Variants in BRINP2 observed in about 807,000 individuals in gnomAD.
The protein encoded by BRINP2 is BMP/retinoic acid inducible neural specific 2, also known as BMP/retinoic acid-inducible neural-specific protein 2.
In BRINP2, 21 loss-of-function variants were observed where a neutral mutation model predicts 69.2. The ratio of observed to expected loss-of-function variants is 0.30; its 90% confidence interval spans 0.22 to 0.44. BRINP2 has a LOEUF of 0.44. Ranked by LOEUF, BRINP2 falls within the 20% of genes least tolerant of loss-of-function variation. The pLI is 1.00. For missense variants in BRINP2, 877 were observed against 986.0 expected, an observed-to-expected ratio of 0.89 and a Z score of 1.48; for synonymous variants, 380 against 394.1, an observed-to-expected ratio of 0.96 and a Z score of 0.42.
rs187458635 is a variant in BRINP2 at position 177,206,519 on chromosome 1, G to A, written c.-76-23282G>A. ...CAGATGTAGACTTGCTAGGTGAAAG[G>A]AGATGCAGAACTCTGATGTTTTATA... On this transcript the variant is annotated intron_variant, in intron 1 of 7. Coordinates refer to ENST00000361539, the MANE Select transcript of BRINP2 (RefSeq NM_021165.4). Among the ~76,000 whole-genome samples the A allele has an allele frequency of 2.7e-3, 416 of 152,286 alleles. 1 individual carries two copies. The highest frequency in any genetic ancestry group is 9.6e-3 in the African/African-American group (397 of 41,554).
chr1:177,221,502 T>G (rs898999028), intron 1 of BRINP2, among the ~76,000 whole-genome samples: 2 of 152,368 alleles, frequency 1.3e-5, no homozygotes, highest in Non-Finnish European at 1.5e-5. Context: ...CTGAAAGTTT[T>G]CTCACTTATG....
rs199631180 is a variant in BRINP2 at position 177,229,930 on chromosome 1, A to G, written c.54A>G (p.Pro18=). The change falls in exon 2 of 8, where the codon CCA becomes CCG. Residue 18 remains proline (P), a synonymous_variant. Transcript: ENST00000361539. ...GAGGGCTTCGGCCGGCGGTGGCCCC[A>G]TGGACAGCCCTGCTGGCACTGGGCC... ...RFRGLRPAVA[P]WTALLALGLP... is the part of the protein sequence containing the mutation. 3.7e-6 allele frequency: 6 copies of G among 1,611,460 alleles called. No homozygotes were observed. The East Asian group carries it at 1.3e-4, about 36-fold the overall frequency.
chr1:177,278,865 A>G, intron 7 of BRINP2, 80 bp downstream of exon 7: 3 of 1,383,176 alleles, frequency 2.2e-6, no homozygotes, highest in Non-Finnish European at 3.0e-6. Flanking sequence ...CCCTCTGTCC[A>G]ATGTAGGGGA....
At chr1:177,271,167 AAAAG>A (rs1651314450) in intron 4 of BRINP2, among the ~76,000 whole-genome samples, 1 of 152,232 alleles carries the variant, frequency 6.6e-6, no homozygotes, top group African/African-American at 2.4e-5. Context: ...ATGAGTAAAT[AAAAG>A]AATGAATGAG....
chr1:177,281,352 C>T lies in BRINP2; in HGVS notation c.2176C>T (p.Arg726Trp), dbSNP rs756977841. 5.8e-5 allele frequency: 94 copies of T among 1,614,012 alleles called. 1 individual carries two copies. The highest frequency in any genetic ancestry group is 8.9e-5 in the East Asian group (4 of 44,876). The change falls in exon 8 of 8, where the codon CGG (arginine) becomes TGG (tryptophan). Residue 726 changes from arginine (R) to tryptophan (W), a missense_variant. Physicochemically the swap from Arg to Trp is moderately radical, Grantham distance 101 (BLOSUM62 -3). Coordinates refer to ENST00000361539, the MANE Select transcript of BRINP2 (RefSeq NM_021165.4). ...CTTGCAGCTCATTGAGCTCAGGGAC[C>T]GGGTGAACCAGCTTTCTCCACCTGG... The part of the protein sequence containing the change: ...ALLQLIELRD[R>W]VNQLSPPGKV...
chr1:177,201,904 C>G (rs1648923838), intron 1 of BRINP2, among the ~76,000 whole-genome samples: 1 of 152,156 alleles, frequency 6.6e-6, no homozygotes. Flanking sequence ...TTCAGAGATT[C>G]AACTTCTTCC....
intron 4 of BRINP2, among the ~76,000 whole-genome samples, chr1:177,259,009 A>G (rs1650856544): frequency 1.3e-5 from 2 of 152,212 alleles, no homozygotes; most frequent in Non-Finnish European, 2.9e-5. Flanking sequence ...AAAGCTAGAA[A>G]TAAATGATTA....
intron 4 of BRINP2, among the ~76,000 whole-genome samples, chr1:177,257,851 A>G (rs76775252): frequency 0.019 from 2,864 of 152,256 alleles, 93 homozygotes; most frequent in African/African-American, 0.066. Flanking sequence ...GTGAGCGGAA[A>G]GTGTTCAGGC....
intron 2 of BRINP2, among the ~76,000 whole-genome samples, chr1:177,238,265 C>T (rs1046466415): frequency 6.6e-5 from 10 of 152,224 alleles, no homozygotes; most frequent in African/African-American, 2.2e-4. Context: ...ACCATCTTCC[C>T]CTCTGGGAGT....
At chr1:177,197,882 C>A (rs72720763) in intron 1 of BRINP2, among the ~76,000 whole-genome samples, 1 of 152,168 alleles carries the variant, frequency 6.6e-6, no homozygotes, top group Non-Finnish European at 1.5e-5. Context: ...AAGGTAGGTC[C>A]TAAAGGCCTT....
intron 1 of BRINP2, among the ~76,000 whole-genome samples, chr1:177,222,375 G>A (rs892238646): frequency 2.0e-5 from 3 of 151,938 alleles, no homozygotes; most frequent in Admixed American, 1.3e-4. Context: ...GCAATGGCAC[G>A]ATCTGGGCTC....
chr1:177,251,699 A>C (rs990752067), intron 2 of BRINP2, among the ~76,000 whole-genome samples: 1 of 152,166 alleles, frequency 6.6e-6, no homozygotes, highest in African/African-American at 2.4e-5. Flanking sequence ...TTTATGAGAA[A>C]CATAAGGAAA....
chr1:177,202,763 G>T (rs773853727), intron 1 of BRINP2, among the ~76,000 whole-genome samples: 5 of 152,204 alleles, frequency 3.3e-5, no homozygotes, highest in Admixed American at 3.3e-4. Context: ...AATGCAAATC[G>T]AAACCGCAGT....
Position 177,229,817 on chromosome 1 carries a change from A to T in BRINP2, c.-60A>T. On this transcript the variant is annotated 5_prime_UTR_variant, in exon 2 of 8. Transcript: ENST00000361539. ...CTTTTCCAGCTCCGAGCCCTGGAGG[A>T]GCAGCACGGAGCGGGAGAGCGTGGC... 2.0e-6 allele frequency: 3 copies of T among 1,514,026 alleles called. No individual in the cohort carries two copies. The highest frequency in any genetic ancestry group is 2.1e-5 in the Admixed American group (1 of 46,792). The allele number at this position is 1,514,026 out of a possible 1,614,324, so 93.8% of individuals were successfully genotyped here. A position where few individuals can be genotyped will look rare whatever the true frequency, so the allele number is the denominator to read the frequency against.
intron 4 of BRINP2, among the ~76,000 whole-genome samples, chr1:177,270,217 AGAATAGCAAT>A (rs1651268827): frequency 6.6e-6 from 1 of 152,146 alleles, no homozygotes; most frequent in Admixed American, 6.5e-5. Context: ...GTGTCAGAGC[AGAATAGCAAT>A]GAAAAGCACT....
At chr1:177,174,341 C>A (rs188432873) in intron 1 of BRINP2, among the ~76,000 whole-genome samples, 84 of 152,318 alleles carry the variant, frequency 5.5e-4, no homozygotes, top group African/African-American at 1.9e-3. Context: ...TACAATGACA[C>A]AAGGTTTCTC....
At chr1:177,214,707 A>C (rs1649325880) in intron 1 of BRINP2, among the ~76,000 whole-genome samples, 1 of 152,174 alleles carries the variant, frequency 6.6e-6, no homozygotes, top group Non-Finnish European at 1.5e-5. Context: ...TCATCAGCAA[A>C]CTCTTACATG....
At chr1:177,189,243 A>G (rs1648518138) in intron 1 of BRINP2, among the ~76,000 whole-genome samples, 1 of 152,234 alleles carries the variant, frequency 6.6e-6, no homozygotes, top group African/African-American at 2.4e-5. Flanking sequence ...AAGCTGAAAA[A>G]AAAAAGGTAC....
chr1:177,278,226 C>T (rs1651565790), intron 6 of BRINP2, among the ~76,000 whole-genome samples: 1 of 151,860 alleles, frequency 6.6e-6, no homozygotes, highest in Admixed American at 6.6e-5. Flanking sequence ...TTGTGGATGT[C>T]TTAGAAGGAA....
Sources: allele counts gnomAD v4.1 joint callset (sites outside exome capture counted in the v4.1 genomes callset), GRCh38; gene constraint gnomAD v4.1.1; transcripts MANE v1.5; gene names NCBI Gene and HGNC (gene_info 2026-07-23, HGNC 2026-07-21).